Variants in MYO6 observed in about 807,000 individuals in gnomAD.
MYO6 encodes the protein unconventional myosin-VI.
Under a neutral mutation model 178.7 loss-of-function variants are expected in MYO6, and 74 were observed. The observed-to-expected ratio is 0.41, with a 90% CI of 0.34 to 0.50. The LOEUF is 0.50. MYO6 is among the 20% of genes least tolerant of loss of function. The probability of loss-of-function intolerance (pLI) is 0.09; values close to 1 mark genes in which losing one functional copy is unlikely to be tolerated. For synonymous variants in MYO6, 477 were observed against 504.6 expected (o/e 0.95, Z 0.73); for missense variants, 1,330 against 1,547.4 (o/e 0.86, Z 2.36).
At chr6:75,767,098 T>C (rs1778487941) in intron 1 of MYO6, among the ~76,000 whole-genome samples, 2 of 152,108 alleles carry the variant, frequency 1.3e-5, no homozygotes, top group South Asian at 4.1e-4. Flanking sequence ...CAATCTTGGC[T>C]CACTGCCACC....
intron 25 of MYO6, among the ~76,000 whole-genome samples, chr6:75,887,836 A>G (rs1360355220): frequency 7.0e-6 from 1 of 143,024 alleles, no homozygotes; most frequent in African/African-American, 2.6e-5. Flanking sequence ...AAAATTAGCC[A>G]GGCGTGATGG....
intron 1 of MYO6, among the ~76,000 whole-genome samples, chr6:75,750,122 G>A (rs1776729222): frequency 1.4e-5 from 2 of 143,406 alleles, no homozygotes; most frequent in African/African-American, 5.1e-5. Context: ...TTGAGACGGA[G>A]CCTTGGTCTG....
chr6:75,858,766 A>G (rs1775945283), intron 13 of MYO6, 136 bp from the exon 14 acceptor site: 1 of 625,392 alleles, frequency 1.6e-6, no homozygotes. Flanking sequence ...TTTGGGAAGT[A>G]TAGAACAAAT....
At chr6:75,883,824 A>G (rs1778223107) in intron 23 of MYO6, among the ~76,000 whole-genome samples, 3 of 152,218 alleles carry the variant, frequency 2.0e-5, no homozygotes, top group Non-Finnish European at 4.4e-5. Flanking sequence ...TAGGTACATG[A>G]AAAGGATCCA....
At chr6:75,768,852 TAAAGA>T (rs1778671194) in intron 1 of MYO6, among the ~76,000 whole-genome samples, 1 of 152,144 alleles carries the variant, frequency 6.6e-6, no homozygotes, top group South Asian at 2.1e-4. Flanking sequence ...GAGTAATTTA[TAAAGA>T]AAAGAGGTTT....
rs72654781 is a variant in MYO6, at chr6:75,850,155, G to C, written c.1078+1624G>C. ...AGGACCAAAGTAAGTCCTGATACAG[G>C]AAATGAGTGAGTTTCACAGCTTCCT... is the stretch of plus-strand genomic sequence containing the variant. On this transcript the variant is annotated intron_variant, in intron 11 of 34. Coordinates refer to ENST00000369977, the MANE Select transcript of MYO6 (RefSeq NM_004999.4). Among the ~76,000 whole-genome samples, 1,984 of 152,066 alleles carry C rather than the reference G, an allele frequency of 0.013. 73 individuals carry two copies. The East Asian group carries it at 0.15, about 11-fold the overall frequency.
chr6:75,789,902 C>T (rs1377238281), intron 1 of MYO6, among the ~76,000 whole-genome samples: 3 of 152,146 alleles, frequency 2.0e-5, no homozygotes, highest in African/African-American at 7.2e-5. Context: ...TGTCCTCCAC[C>T]CTCTTTCATT....
intron 30 of MYO6, among the ~76,000 whole-genome samples, chr6:75,902,673 C>T (rs1340029398): frequency 6.6e-6 from 1 of 151,686 alleles, no homozygotes; most frequent in East Asian, 1.9e-4. Context: ...TTTCAAAAAA[C>T]CACCTCCTGG....
chr6:75,916,042 T>C lies in MYO6; in HGVS notation c.*1030T>C, dbSNP rs886061767. 2 of 152,540 alleles carry C rather than the reference T, an allele frequency of 1.3e-5. No individual in the cohort carries two copies. Among genetic ancestry groups the C allele is most frequent in the Non-Finnish European group, 2.9e-5 (2 of 68,036 alleles). 9.4% of individuals were successfully genotyped at this position (152,540 alleles called of 1,614,324 possible). A position where few individuals can be genotyped will look rare whatever the true frequency, so the allele number is the denominator to read the frequency against. On this transcript the variant is annotated 3_prime_UTR_variant, in exon 35 of 35. Coordinates refer to ENST00000369977, the MANE Select transcript of MYO6 (RefSeq NM_004999.4). ...AATCCTTGTATTTAGTAAGTGCTTGTTTTACATAACTGATAATTTTAAAAT... is the reference window on the plus strand; with the variant it reads ...AATCCTTGTATTTAGTAAGTGCTTGCTTTACATAACTGATAATTTTAAAAT...
intron 10 of MYO6, among the ~76,000 whole-genome samples, chr6:75,847,951 ATATT>A (rs987538094): frequency 5.3e-5 from 8 of 152,102 alleles, no homozygotes; most frequent in African/African-American, 1.9e-4. Context: ...TTAAATGAAT[ATATT>A]TATCATTACC....
intron 21 of MYO6, 21 bp downstream of exon 21, chr6:75,879,971 G>A (rs774067750): frequency 6.2e-7 from 1 of 1,614,012 alleles, no homozygotes; most frequent in Non-Finnish European, 8.5e-7. Flanking sequence ...CACCCAAATT[G>A]AAATTTCTTA....
chr6:75,781,983 G>A (rs1179771780), intron 1 of MYO6, among the ~76,000 whole-genome samples: 3 of 149,820 alleles, frequency 2.0e-5, no homozygotes, highest in Non-Finnish European at 3.0e-5. Flanking sequence ...CCTAAACCAC[G>A]TGTGGACAGA....
chr6:75,837,105 C>T (rs1204308477), intron 7 of MYO6, among the ~76,000 whole-genome samples: 1 of 152,098 alleles, frequency 6.6e-6, no homozygotes, highest in Non-Finnish European at 1.5e-5. Flanking sequence ...CACTTTTTCT[C>T]CTTCTCCCTG....
chr6:75,749,745 G>GT lies in MYO6; in HGVS notation c.-48+326dup, dbSNP rs78699234. Among the ~76,000 whole-genome samples, 1,571 of 152,322 alleles carry GT rather than the reference G, an allele frequency of 0.01. 46 individuals carry two copies. In the East Asian group the frequency reaches 0.13, roughly 13 times the overall value. On this transcript the variant is annotated intron_variant, in intron 1 of 34. Coordinates refer to ENST00000369977, the MANE Select transcript of MYO6 (RefSeq NM_004999.4). ...ACTCGGACTTGGACACTCCGTGATA[G>GT]TTTTATTTTCTCTTTTGTAAACACG... is the stretch of plus-strand genomic sequence containing the variant.
At chr6:75,898,203 C>T (rs188264745) in intron 29 of MYO6, among the ~76,000 whole-genome samples, 170 bp from the exon 30 acceptor site, 48 of 152,190 alleles carry the variant, frequency 3.2e-4, no homozygotes, top group African/African-American at 1.1e-3. Context: ...CTGTGTGTTA[C>T]GGCTAGATTT....
chr6:75,785,979 G>C (rs1035301711), intron 1 of MYO6, among the ~76,000 whole-genome samples: 2 of 151,758 alleles, frequency 1.3e-5, no homozygotes, highest in African/African-American at 4.8e-5. Flanking sequence ...GCAGTGGTGC[G>C]ATCCTGGCTC....
chr6:75,875,527 T>A (rs1471011394), intron 20 of MYO6, among the ~76,000 whole-genome samples: 3 of 152,218 alleles, frequency 2.0e-5, no homozygotes, highest in Non-Finnish European at 2.9e-5. Flanking sequence ...GCTCAAGTGA[T>A]CCTCCTCCCT....
chr6:75,840,461 C>A, intron 7 of MYO6, 124 bp from the exon 8 acceptor site: 1 of 735,958 alleles, frequency 1.4e-6, no homozygotes, highest in South Asian at 1.5e-5. Flanking sequence ...GTGTCCCGCC[C>A]ATGTTAATAT....
At chr6:75,904,031 T>C (rs1193439610) in intron 30 of MYO6, among the ~76,000 whole-genome samples, 1 of 152,222 alleles carries the variant, frequency 6.6e-6, no homozygotes, top group East Asian at 1.9e-4. Context: ...AAAATTCTTT[T>C]CTTTAAGAAT....
Sources: gnomAD v4.1 joint callset for allele counts (sites outside exome capture counted in the v4.1 genomes callset) on GRCh38, gnomAD v4.1.1 for gene constraint, MANE v1.5 for transcripts, NCBI Gene and HGNC (gene_info 2026-07-23, HGNC 2026-07-21) for gene names.